Variants in HS3ST1 observed in about 807,000 individuals in gnomAD.
HS3ST1 encodes heparan sulfate glucosamine 3-O-sulfotransferase 1.
Under a neutral mutation model 20.7 loss-of-function variants are expected in HS3ST1, and 8 were observed. The observed-to-expected ratio is 0.39, with a 90% CI of 0.23 to 0.70. The LOEUF is 0.70. Ranked by LOEUF, HS3ST1 falls within the 30% of genes least tolerant of loss-of-function variation. The pLI is 0.46. For missense variants in HS3ST1, 436 were observed against 423.4 expected (o/e 1.03, Z -0.26); for synonymous variants, 205 against 190.4 (o/e 1.08, Z -0.63).
rs34905764 is a variant in HS3ST1, at chr4:11,395,473, C to CTTTTTTTTTTTTTTTTTTTTTTTTTTTT, written c.*3608_*3609insAAAAAAAAAAAAAAAAAAAAAAAAAAAA. On this transcript the variant is annotated 3_prime_UTR_variant, in exon 2 of 2. Coordinates refer to ENST00000002596, the MANE Select transcript of HS3ST1 (RefSeq NM_005114.4). ...TTTTATTTTTTTATTATTAATTTATCTTTTTTTTTTTTTTTTTTTTTTGAG... is the reference window on the plus strand; with the variant it reads ...TTTTATTTTTTTATTATTAATTTATCTTTTTTTTTTTTTTTTTTTTTTTTTTTTTTTTTTTTTTTTTTTTTTTTTTGAG... 1.3e-5 allele frequency: 1 copy of CTTTTTTTTTTTTTTTTTTTTTTTTTTTT among 76,114 alleles called. No individual in the cohort carries two copies. The highest frequency in any genetic ancestry group is 5.6e-5 in the African/African-American group (1 of 18,014). 4.7% of individuals were successfully genotyped at this position (76,114 alleles called of 1,614,324 possible). A position where few individuals can be genotyped will look rare whatever the true frequency, so the allele number is the denominator to read the frequency against.
At chr4:11,406,681 G>T (rs1341505192) in intron 1 of HS3ST1, among the ~76,000 whole-genome samples, 1 of 152,144 alleles carries the variant, frequency 6.6e-6, no homozygotes, top group Non-Finnish European at 1.5e-5. Flanking sequence ...TGGGCAGTGG[G>T]GAGTGCATTC....
At position 11,417,046 on chromosome 4, in the gene HS3ST1, T is replaced by A. The variant is rs78034832; in HGVS notation, c.-109+11653A>T. ...GGTCCTGAGGTCAGATTATGAGGTA[T>A]GTATACAGAACAGAGAGTGGCTAAT... On this transcript the variant is annotated intron_variant, in intron 1 of 1. Transcript: ENST00000002596. 8.8e-3 allele frequency among the ~76,000 whole-genome samples: 1,338 copies of A among 152,238 alleles called. 10 individuals are homozygous for A. The highest frequency in any genetic ancestry group is 0.017 in the Admixed American group (254 of 15,284).
chr4:11,402,231 G>A (rs1718345543), intron 1 of HS3ST1, among the ~76,000 whole-genome samples: 2 of 152,180 alleles, frequency 1.3e-5, no homozygotes, highest in South Asian at 4.1e-4. Flanking sequence ...TAAAGAGCAA[G>A]TAATCAAATA....
intron 1 of HS3ST1, among the ~76,000 whole-genome samples, chr4:11,418,541 G>A (rs1718845091): frequency 6.6e-6 from 1 of 152,102 alleles, no homozygotes; most frequent in South Asian, 2.1e-4. Context: ...CTCATACCCA[G>A]AGCCACCATG....
At position 11,399,775 on chromosome 4, in the gene HS3ST1, G is replaced by A; in HGVS notation, c.231C>T (p.His77=). Residue 77 remains histidine, a synonymous_variant, in exon 2 of 2, where the codon CAC becomes CAT. Transcript: ENST00000002596. The surrounding 1 kb of genome is among the most constrained non-coding windows in gnomAD (Gnocchi z 5.1). ...TRALLEMLSL[H]PDVAAAENEV... The stretch of plus-strand genomic sequence containing the variant: ...CGTTCTCCGCGGCCGCCACGTCGGG[G>A]TGCAGGCTGAGCATCTCCAGCAGTG... 1 of 1,613,694 alleles carries A rather than the reference G, an allele frequency of 6.2e-7. No individual in the cohort carries two copies. Among genetic ancestry groups the A allele is most frequent in the South Asian group, 1.1e-5 (1 of 91,078 alleles).
chr4:11,431,698 G>A (rs1418392906), upstream of HS3ST1, among the ~76,000 whole-genome samples: 2 of 152,148 alleles, frequency 1.3e-5, no homozygotes, highest in Non-Finnish European at 2.9e-5. Context: ...GGAGTGAAAA[G>A]GCATGAAATA....
intron 1 of HS3ST1, among the ~76,000 whole-genome samples, chr4:11,424,174 T>C (rs1289622294): frequency 6.6e-6 from 1 of 152,138 alleles, no homozygotes; most frequent in Non-Finnish European, 1.5e-5. Flanking sequence ...CCACTCAAGC[T>C]GTTACTTGCC....
rs147369190 is a variant in HS3ST1 at position 11,417,588 on chromosome 4, A to C, written c.-109+11111T>G. 9.2e-5 allele frequency among the ~76,000 whole-genome samples: 14 copies of C among 152,342 alleles called. No individual in the cohort carries two copies. In the East Asian group the frequency reaches 2.7e-3, roughly 29 times the overall value. On this transcript the variant is annotated intron_variant, in intron 1 of 1. Transcript: ENST00000002596. ...CTCTTCTTGCATCTAAAAGTCCTGC[A>C]CTTAAACATTAATATTATGAGTAAT... is the stretch of plus-strand genomic sequence containing the variant.
At chr4:11,405,914 T>C (rs1329330087) in intron 1 of HS3ST1, among the ~76,000 whole-genome samples, 1 of 152,184 alleles carries the variant, frequency 6.6e-6, no homozygotes, top group Non-Finnish European at 1.5e-5. Flanking sequence ...AACATATTCA[T>C]AGATGAAATG....
chr4:11,407,832 T>G (rs1260309388), intron 1 of HS3ST1, among the ~76,000 whole-genome samples: 1 of 152,246 alleles, frequency 6.6e-6, no homozygotes, highest in Non-Finnish European at 1.5e-5. Flanking sequence ...CCTGGGATTC[T>G]GTATTCCTCA....
rs1718997494 is a variant in HS3ST1, at chr4:11,423,964, G to A, written c.-109+4735C>T. Among the ~76,000 whole-genome samples, 3 of 147,464 alleles carry A rather than the reference G, an allele frequency of 2.0e-5. No homozygotes were observed. The South Asian group carries it at 6.6e-4, about 32-fold the overall frequency. On this transcript the variant is annotated intron_variant, in intron 1 of 1. Coordinates refer to ENST00000002596, the MANE Select transcript of HS3ST1 (RefSeq NM_005114.4). ...GTTTGGCCCACATGGTGTTATTTAG[G>A]AATATCGAATTAGCTGCTGGCACTT...
intron 1 of HS3ST1, among the ~76,000 whole-genome samples, chr4:11,423,018 C>T (rs531959060): frequency 1.0e-3 from 27 of 26,578 alleles, no homozygotes; most frequent in Admixed American, 1.4e-3. Context: ...AGCGAGACAC[C>T]GTCAAAAAAA....
At chr4:11,408,985 A>G (rs1718542217) in intron 1 of HS3ST1, among the ~76,000 whole-genome samples, 1 of 152,226 alleles carries the variant, frequency 6.6e-6, no homozygotes, top group African/African-American at 2.4e-5. Context: ...AGAAGTGGTC[A>G]GGAAAGACAC....
intron 1 of HS3ST1, among the ~76,000 whole-genome samples, chr4:11,406,110 A>C (rs966496938): frequency 1.3e-5 from 2 of 152,212 alleles, no homozygotes; most frequent in African/African-American, 4.8e-5. Flanking sequence ...CACTTATGGG[A>C]TTTAACAAAA....
intron 1 of HS3ST1, among the ~76,000 whole-genome samples, chr4:11,420,090 C>G (rs1026057167): frequency 3.3e-5 from 5 of 152,162 alleles, no homozygotes; most frequent in Non-Finnish European, 5.9e-5. Context: ...TCTTTCTGTC[C>G]CATATTTCAT....
intron 1 of HS3ST1, among the ~76,000 whole-genome samples, chr4:11,410,268 A>C (rs1208438862): frequency 1.3e-5 from 2 of 152,176 alleles, no homozygotes; most frequent in African/African-American, 2.4e-5. Context: ...ACTAGACCTC[A>C]GAGTAGACAT....
chr4:11,422,658 G>T (rs1354784697), intron 1 of HS3ST1, among the ~76,000 whole-genome samples: 1 of 152,122 alleles, frequency 6.6e-6, no homozygotes, highest in Non-Finnish European at 1.5e-5. Flanking sequence ...AATAGCAAAG[G>T]TAGGGGCAGA....
Position 11,399,002 on chromosome 4 carries a change from G to C in HS3ST1, c.*80C>G. 10 of 1,240,272 alleles carry C rather than the reference G, an allele frequency of 8.1e-6. No homozygotes were observed. The highest frequency in any genetic ancestry group is 1.0e-5 in the Non-Finnish European group (9 of 889,184). The allele number at this position is 1,240,272 out of a possible 1,614,324, so 76.8% of individuals were successfully genotyped here. A position where few individuals can be genotyped will look rare whatever the true frequency, so the allele number is the denominator to read the frequency against. On this transcript the variant is annotated 3_prime_UTR_variant, in exon 2 of 2. Transcript: ENST00000002596. This position sits in a 1 kb window ranked among gnomAD's most constrained non-coding sequence, Gnocchi z 5.1. Reference sequence around the variant, plus strand: ...TTTACAAATAAATTATACCTTAAATGCTTTTTTAAAATTCTTTTTCCCCTC... The same window carrying C: ...TTTACAAATAAATTATACCTTAAATCCTTTTTTAAAATTCTTTTTCCCCTC...
chr4:11,419,697 C>T (rs887672261), intron 1 of HS3ST1, among the ~76,000 whole-genome samples: 12 of 151,962 alleles, frequency 7.9e-5, no homozygotes, highest in African/African-American at 2.9e-4. Context: ...AGTAATAAAA[C>T]GTATATGGTA....
Sources: allele counts gnomAD v4.1 joint callset (sites outside exome capture counted in the v4.1 genomes callset), GRCh38; gene constraint gnomAD v4.1.1; non-coding constraint Gnocchi (gnomAD v3.1); transcripts MANE v1.5; gene names NCBI Gene and HGNC (gene_info 2026-07-23, HGNC 2026-07-21).